Variants in SOX5 observed in about 807,000 individuals in gnomAD.
SOX5 encodes SRY-box transcription factor 5, also known as transcription factor SOX-5.
In SOX5, 9 loss-of-function variants were observed where a neutral mutation model predicts 92.0. The observed-to-expected ratio is 0.10, with a 90% CI of 0.06 to 0.17. SOX5 has a LOEUF of 0.17. SOX5 is among the 10% of genes least tolerant of loss of function. The pLI is 1.00. For missense variants in SOX5, 642 were observed against 944.5 expected (o/e 0.68, Z 4.20); for synonymous variants, 344 against 336.3 (o/e 1.02, Z -0.25).
chr12:23,636,969 G>T (rs1451534888), intron 8 of SOX5, among the ~76,000 whole-genome samples: 1 of 152,080 alleles, frequency 6.6e-6, no homozygotes, highest in African/African-American at 2.4e-5. Flanking sequence ...AATTAAATAA[G>T]ATAATCCTCG....
At chr12:23,809,486 A>T (rs2095838834) in intron 3 of SOX5, among the ~76,000 whole-genome samples, 1 of 152,042 alleles carries the variant, frequency 6.6e-6, no homozygotes, top group Admixed American at 6.6e-5. Flanking sequence ...AAAATTATAA[A>T]GTAGCCCCAA....
chr12:23,798,616 A>C (rs2095607632), intron 3 of SOX5, among the ~76,000 whole-genome samples: 1 of 143,554 alleles, frequency 7.0e-6, no homozygotes, highest in Non-Finnish European at 1.5e-5. Flanking sequence ...AAAAAAAAAA[A>C]CCAGTTCTCT....
At chr12:24,266,559 G>C (rs1943044570) in intron 3 of SOX5, among the ~76,000 whole-genome samples, 1 of 151,994 alleles carries the variant, frequency 6.6e-6, no homozygotes, top group Admixed American at 6.6e-5. Flanking sequence ...AATTTAATTT[G>C]AATTACTTGA....
chr12:24,386,120 T>C (rs751021817), intron 1 of SOX5, among the ~76,000 whole-genome samples: 7 of 152,134 alleles, frequency 4.6e-5, no homozygotes, highest in Admixed American at 6.6e-5. Context: ...TTCAACTTCA[T>C]TTCATTACAA....
intron 4 of SOX5, among the ~76,000 whole-genome samples, chr12:23,988,885 C>G (rs531562130): frequency 6.6e-6 from 1 of 152,204 alleles, no homozygotes; most frequent in East Asian, 1.9e-4. Context: ...TTCCACCACT[C>G]CAGTGGGAGA....
chr12:24,197,254 G>A (rs780197519), intron 4 of SOX5, among the ~76,000 whole-genome samples: 6 of 152,160 alleles, frequency 3.9e-5, no homozygotes, highest in Admixed American at 3.3e-4. Flanking sequence ...AATATTTGCT[G>A]AAGACTCTAT....
intron 1 of SOX5, among the ~76,000 whole-genome samples, chr12:24,490,570 C>T (rs928839476): frequency 1.3e-5 from 2 of 151,898 alleles, no homozygotes; most frequent in Non-Finnish European, 2.9e-5. Context: ...TTTTTTTCCA[C>T]TTACACAGGA....
chr12:24,354,474 C>T (rs188937392), intron 2 of SOX5, among the ~76,000 whole-genome samples: 23 of 152,332 alleles, frequency 1.5e-4, no homozygotes, highest in South Asian at 1.4e-3. Context: ...TTTTCCATTA[C>T]GGAAGAGCTA....
At chr12:24,418,421 T>C (rs187374091) in intron 1 of SOX5, among the ~76,000 whole-genome samples, 168 of 152,306 alleles carry the variant, frequency 1.1e-3, no homozygotes, top group Non-Finnish European at 2.0e-3. Flanking sequence ...GATCCAGGAA[T>C]GGGCATACGA....
chr12:24,340,430 CA>C, intron 2 of SOX5, among the ~76,000 whole-genome samples: 1 of 152,316 alleles, frequency 6.6e-6, no homozygotes, highest in South Asian at 2.1e-4. Flanking sequence ...CAGCTTGACA[CA>C]ACGAATCCAC....
chr12:23,781,672 C>T (rs1161782516), intron 3 of SOX5, among the ~76,000 whole-genome samples: 1 of 152,052 alleles, frequency 6.6e-6, no homozygotes, highest in Admixed American at 6.6e-5. Flanking sequence ...TGTACTCTCT[C>T]TCTCTCTCTC....
intron 4 of SOX5, among the ~76,000 whole-genome samples, chr12:23,748,032 G>A (rs990063934): frequency 1.3e-5 from 2 of 151,002 alleles, no homozygotes; most frequent in Admixed American, 1.3e-4. Flanking sequence ...TCCTCGGAGG[G>A]CCTTCGCTGA....
intron 1 of SOX5, among the ~76,000 whole-genome samples, chr12:23,940,920 C>T (rs1184173526): frequency 6.6e-6 from 1 of 151,318 alleles, no homozygotes; most frequent in Non-Finnish European, 1.5e-5. Flanking sequence ...TCAAATTTTC[C>T]ATTAAATATG....
chr12:24,422,615 G>A (rs1002470091), intron 1 of SOX5, among the ~76,000 whole-genome samples: 2 of 152,186 alleles, frequency 1.3e-5, no homozygotes, highest in African/African-American at 4.8e-5. Context: ...AATTCTGCAT[G>A]TTTCCAAAAA....
intron 1 of SOX5, among the ~76,000 whole-genome samples, chr12:24,478,511 A>G (rs1446621991): frequency 1.3e-5 from 2 of 152,202 alleles, no homozygotes; most frequent in Non-Finnish European, 2.9e-5. Flanking sequence ...CTCCACCCAG[A>G]TGACTGGGAT....
intron 2 of SOX5, among the ~76,000 whole-genome samples, chr12:24,349,510 A>G (rs1953792477): frequency 6.6e-6 from 1 of 152,162 alleles, no homozygotes; most frequent in South Asian, 2.1e-4. Flanking sequence ...CCCCACATAA[A>G]TGGAATACTC....
chr12:24,507,116 T>C (rs933873291), intron 1 of SOX5, among the ~76,000 whole-genome samples: 72 of 152,064 alleles, frequency 4.7e-4, no homozygotes, highest in African/African-American at 1.6e-3. Context: ...TCTTAATGAA[T>C]GAAATAAAAT....
chr12:24,364,828 A>T (rs1325504954), intron 2 of SOX5, among the ~76,000 whole-genome samples: 2 of 152,066 alleles, frequency 1.3e-5, no homozygotes, highest in African/African-American at 2.4e-5. Context: ...CAAACACAGA[A>T]TGATCAGAAA....
At chr12:24,085,497 A>G (rs536871981) in intron 4 of SOX5, among the ~76,000 whole-genome samples, 1 of 152,210 alleles carries the variant, frequency 6.6e-6, no homozygotes, top group South Asian at 2.1e-4. Flanking sequence ...TCAACAAATT[A>G]TTGGAAGTAT....
Sources: gnomAD v4.1 joint callset for allele counts (sites outside exome capture counted in the v4.1 genomes callset) on GRCh38, gnomAD v4.1.1 for gene constraint, MANE v1.5 for transcripts, NCBI Gene and HGNC (gene_info 2026-07-23, HGNC 2026-07-21) for gene names.